Variants in PRKCSH observed in about 807,000 individuals in gnomAD.
PRKCSH encodes the protein PRKCSH beta subunit of glucosidase II.
A neutral mutation model predicts 79.7 loss-of-function variants in PRKCSH; 42 were observed. The observed-to-expected ratio is 0.53, with a 90% CI of 0.41 to 0.68. The LOEUF (loss-of-function observed/expected upper bound fraction) is 0.68, where lower values mean the gene tolerates loss of function less well. Ranked by LOEUF, PRKCSH falls within the 30% of genes least tolerant of loss-of-function variation. The probability of loss-of-function intolerance (pLI) is 0.00; values close to 1 mark genes in which losing one functional copy is unlikely to be tolerated. For missense variants in PRKCSH, 686 were observed against 709.0 expected (o/e 0.97, Z 0.37); for synonymous variants, 325 against 288.2 (o/e 1.13, Z -1.29).
intron 5 of PRKCSH, among the ~76,000 whole-genome samples, chr19:11,439,834 T>C (rs1018038630): frequency 1.8e-4 from 27 of 151,666 alleles, no homozygotes; most frequent in Non-Finnish European, 3.2e-4. Flanking sequence ...TTGGCCAGGC[T>C]GGTCTCGAAC....
rs111601942 is a variant in PRKCSH at position 11,449,603 on chromosome 19, T to C, written c.*16+175T>C. ...TTTGGCCCAGGCTGGAGTGCAGTGA[T>C]GCGACCTCAGCTGACTGCAACCTCT... On this transcript the variant is annotated intron_variant, in intron 17 of 17. Transcript: ENST00000677123. The surrounding 1 kb of genome is among the most constrained non-coding windows in gnomAD (Gnocchi z 6.4). The C allele has an allele frequency of 5.4e-4, 445 of 818,324 alleles. 5 individuals carry two copies. The African/African-American group carries it at 6.3e-3, about 12-fold the overall frequency. The allele number at this position is 818,324 out of a possible 1,614,324, so 50.7% of individuals were successfully genotyped here.
At position 11,447,122 on chromosome 19, in the gene PRKCSH, C is replaced by T. The variant is rs537447022; in HGVS notation, c.811C>T (p.Arg271Cys). ...TQTDATSFYD[R>C]VWAAIRDKYR... ...GACAGACGCCACCTCTTTCTACGAC[C>T]GCGTCTGGGCCGCCATCAGGGACAA... is the stretch of plus-strand genomic sequence containing the variant. The change falls in exon 10 of 18, where the codon CGC becomes TGC. Residue 271 changes from arginine (R) to cysteine (C), a missense_variant. By Grantham distance (180) the Arg-to-Cys change is radical. Transcript: ENST00000677123. This position sits in a 1 kb window ranked among gnomAD's most constrained non-coding sequence, Gnocchi z 5.6. The T allele has an allele frequency of 4.2e-5, 67 of 1,613,868 alleles. 1 individual carries two copies. The highest frequency in any genetic ancestry group is 1.3e-4 in the African/African-American group (10 of 74,920).
rs778038865 is a variant in PRKCSH at position 11,438,086 on chromosome 19, C to T, written c.312C>T (p.Asp104=). 1.7e-5 allele frequency: 27 copies of T among 1,614,022 alleles called. No individual in the cohort carries two copies. The highest frequency in any genetic ancestry group is 4.5e-5 in the East Asian group (2 of 44,886). The change falls in exon 5 of 18, where the codon GAC becomes GAT. Residue 104 remains aspartate, a synonymous_variant. Coordinates refer to ENST00000677123, the MANE Select transcript of PRKCSH (RefSeq NM_001289104.2). ...CCACAGACTGCTGCGATGGAACAGA[C>T]GAGTACAACAGCGGCGTCATCTGTG... ...DGVCDCCDGT[D]EYNSGVICEN...
Position 11,448,162 on chromosome 19 carries a change from C to G in PRKCSH, c.1127-60C>G, listed in dbSNP as rs184069593. The G allele has an allele frequency of 1.4e-5, 21 of 1,502,196 alleles. No homozygotes were observed. In the African/African-American group the frequency reaches 1.9e-4, roughly 14 times the overall value. 93.1% of individuals were successfully genotyped at this position (1,502,196 alleles called of 1,614,324 possible). On this transcript the variant is annotated intron_variant, in intron 12 of 17. Transcript: ENST00000677123. This position sits in a 1 kb window ranked among gnomAD's most constrained non-coding sequence, Gnocchi z 4.4. ...AGCACACAGCCACATCCATGGAACC[C>G]CGTTCCCCATCCTCCTGGATGGGGT... is the stretch of plus-strand genomic sequence containing the variant.
Position 11,448,260 on chromosome 19 carries a change from C to G in PRKCSH, c.1165C>G (p.Arg389Gly). 1 of 1,570,116 alleles carries G rather than the reference C, an allele frequency of 6.4e-7. No individual in the cohort carries two copies. Residue 389 changes from arginine to glycine, a missense_variant, in exon 13 of 18, where the codon CGG becomes GGG. Transcript: ENST00000677123. This position sits in a 1 kb window ranked among gnomAD's most constrained non-coding sequence, Gnocchi z 4.4. ...EARNKFEEAE[R>G]SLKDMEESIR... ...CCGCAACAAGTTCGAGGAGGCCGAG[C>G]GGTCGCTGAAGGACATGGAGGAGTC...
rs1792650843 is a variant in PRKCSH, at chr19:11,448,208, A to G, written c.1127-14A>G. The G allele has an allele frequency of 6.4e-7, 1 of 1,554,316 alleles. No individual in the cohort carries two copies. The highest frequency in any genetic ancestry group is 1.4e-5 in the African/African-American group (1 of 73,256). On this transcript the variant is annotated splice_polypyrimidine_tract_variant and intron_variant, in intron 12 of 17. Transcript: ENST00000677123. The surrounding 1 kb of genome is among the most constrained non-coding windows in gnomAD (Gnocchi z 4.4). ...GGGGTTGAGGACATCTCTGACCTCC[A>G]ACCCCTCTCCCAGCTGCCCAGGAGG...
At position 11,447,549 on chromosome 19, in the gene PRKCSH, GGAGGAGGAA is replaced by G; in HGVS notation, c.963_971del (p.Glu323_Glu325del). 1.2e-6 allele frequency: 2 copies of G among 1,603,034 alleles called. No individual in the cohort carries two copies. The highest frequency in any genetic ancestry group is 1.7e-6 in the Non-Finnish European group (2 of 1,173,228). On this transcript the variant is annotated inframe_deletion, in exon 11 of 18. Coordinates refer to ENST00000677123, the MANE Select transcript of PRKCSH (RefSeq NM_001289104.2). The surrounding 1 kb of genome is among the most constrained non-coding windows in gnomAD (Gnocchi z 5.6). ...CAGAGGAGGAGGAGGAGGAGGAGGA[GGAGGAGGAA>G]GAAGAGGCTGAAGAAGAGGAGGAGG...
In PRKCSH at chr19:11,448,767, G is replaced by A. The variant is rs1157439596; in HGVS notation, c.1286+138G>A. The A allele has an allele frequency of 7.6e-7, 1 of 1,313,220 alleles. No individual in the cohort carries two copies. The highest frequency in any genetic ancestry group is 2.3e-5 in the East Asian group (1 of 43,348). 81.3% of individuals were successfully genotyped at this position (1,313,220 alleles called of 1,614,324 possible). On this transcript the variant is annotated intron_variant, in intron 14 of 17. Transcript: ENST00000677123. The surrounding 1 kb of genome is among the most constrained non-coding windows in gnomAD (Gnocchi z 4.4). The stretch of plus-strand genomic sequence containing the variant: ...GAGTGCTGCCTTCCATATTGAGGGG[G>A]AGCAGAAGCCAGGGGCCAGGTTTAG...
intron 5 of PRKCSH, among the ~76,000 whole-genome samples, chr19:11,440,029 G>A (rs1217027750): frequency 6.6e-6 from 1 of 151,240 alleles, no homozygotes; most frequent in Non-Finnish European, 1.5e-5. Context: ...AGGTTGCAGT[G>A]AGCTAAAAAG....
chr19:11,446,485 C>A, intron 9 of PRKCSH, 135 bp downstream of exon 9: 1 of 1,060,608 alleles, frequency 9.4e-7, no homozygotes, highest in South Asian at 1.4e-5. Flanking sequence ...GGATGGCAGC[C>A]ACTCAGGGCC....
At chr19:11,450,014 T>G in intron 17 of PRKCSH, 1 of 159,578 alleles carries the variant, frequency 6.3e-6, no homozygotes. Flanking sequence ...TGGCTAATTT[T>G]TTTGTATTTT....
intron 6 of PRKCSH, 77 bp from the exon 7 acceptor site, chr19:11,442,309 T>A: frequency 6.6e-7 from 1 of 1,508,754 alleles, no homozygotes; most frequent in South Asian, 1.2e-5. Flanking sequence ...CCCTGTGGAG[T>A]AGAGGCAGGG....
At position 11,449,635 on chromosome 19, in the gene PRKCSH, C is replaced by T. The variant is rs918830841; in HGVS notation, c.*16+207C>T. 30 of 624,760 alleles carry T rather than the reference C, an allele frequency of 4.8e-5. No homozygotes were observed. The highest frequency in any genetic ancestry group is 8.8e-4 in the Middle Eastern group (2 of 2,282). The allele number at this position is 624,760 out of a possible 1,614,324, so 38.7% of individuals were successfully genotyped here. A position where few individuals can be genotyped will look rare whatever the true frequency, so the allele number is the denominator to read the frequency against. ...TCAGCTGACTGCAACCTCTACCTCC[C>T]GGGTTCAAACAATTGTCTTGTCTCA... On this transcript the variant is annotated intron_variant, in intron 17 of 17. Transcript: ENST00000677123. The surrounding 1 kb of genome is among the most constrained non-coding windows in gnomAD (Gnocchi z 6.4).
At chr19:11,450,011 T>C (rs1478676837) in intron 17 of PRKCSH, 1 of 158,724 alleles carries the variant, frequency 6.3e-6, no homozygotes, top group African/African-American at 2.4e-5. Flanking sequence ...GCCTGGCTAA[T>C]TTTTTTGTAT....
At chr19:11,444,630 T>G (rs1273267545) in intron 7 of PRKCSH, among the ~76,000 whole-genome samples, 1 of 152,174 alleles carries the variant, frequency 6.6e-6, no homozygotes, top group Non-Finnish European at 1.5e-5. Context: ...CAGTAGGAAG[T>G]TAATCATTGG....
rs1480224589 is a variant in PRKCSH, at chr19:11,449,919, A to T, written c.*16+491A>T. Reference sequence around the variant, plus strand: ...GAATGCAATGGCGCGATCTCGGCTCACTGCAACCTCCACCTCCTGGGTGCA... The same window carrying T: ...GAATGCAATGGCGCGATCTCGGCTCTCTGCAACCTCCACCTCCTGGGTGCA... On this transcript the variant is annotated intron_variant, in intron 17 of 17. Coordinates refer to ENST00000677123, the MANE Select transcript of PRKCSH (RefSeq NM_001289104.2). The surrounding 1 kb of genome is among the most constrained non-coding windows in gnomAD (Gnocchi z 6.4). The T allele has an allele frequency of 5.4e-6, 1 of 183,990 alleles. No homozygotes were observed. Among genetic ancestry groups the T allele is most frequent in the Non-Finnish European group, 1.1e-5 (1 of 87,226 alleles). 11.4% of individuals were successfully genotyped at this position (183,990 alleles called of 1,614,324 possible). A position where few individuals can be genotyped will look rare whatever the true frequency, so the allele number is the denominator to read the frequency against.
intron 3 of PRKCSH, 78 bp from the exon 4 acceptor site, chr19:11,437,798 G>A (rs1407551798): frequency 1.6e-6 from 2 of 1,245,840 alleles, no homozygotes; most frequent in Non-Finnish European, 1.2e-6. Context: ...GTGGGTCAGG[G>A]GCTCTTATCT....
rs1290777650 is a variant in PRKCSH, at chr19:11,445,414, A to G, written c.624A>G (p.Gln208=). ...WEEQLAAAKA[Q]QEQELAADAF... ...AGCAGCTGGCTGCTGCCAAGGCCCA[A>G]CAGGAGCAGGAGCTGGCGGCTGATG... The change falls in exon 8 of 18, where the codon CAA becomes CAG. Residue 208 remains glutamine (Q), a synonymous_variant. Coordinates refer to ENST00000677123, the MANE Select transcript of PRKCSH (RefSeq NM_001289104.2). 1.2e-6 allele frequency: 2 copies of G among 1,614,028 alleles called. No homozygotes were observed. The highest frequency in any genetic ancestry group is 1.7e-5 in the Admixed American group (1 of 60,016).
intron 9 of PRKCSH, 59 bp downstream of exon 9, chr19:11,446,409 C>T (rs1970302603): frequency 1.3e-6 from 2 of 1,553,314 alleles, no homozygotes; most frequent in African/African-American, 1.4e-5. Flanking sequence ...AGGGTGACCT[C>T]AGGGCACAGG....
Sources: gnomAD v4.1 joint callset for allele counts (sites outside exome capture counted in the v4.1 genomes callset) on GRCh38, gnomAD v4.1.1 for gene constraint, Gnocchi (gnomAD v3.1) non-coding constraint, MANE v1.5 for transcripts, NCBI Gene and HGNC (gene_info 2026-07-23, HGNC 2026-07-21) for gene names.